The following THSD4 variants were observed in gnomAD, a reference collection of about 807,000 sequenced individuals.
THSD4 encodes the protein thrombospondin type 1 domain containing 4.
In THSD4, 69 loss-of-function variants were observed where a neutral mutation model predicts 119.0. The observed-to-expected ratio is 0.58, with a 90% CI of 0.48 to 0.71. THSD4 has a LOEUF of 0.71. Ranked by LOEUF, THSD4 falls within the 30% of genes least tolerant of loss-of-function variation. The pLI, the probability that THSD4 is intolerant of heterozygous loss-of-function variation, is 0.00. For synonymous variants in THSD4, 524 were observed against 540.4 expected (o/e 0.97, Z 0.42); for missense variants, 1,393 against 1,391.1 (o/e 1.00, Z -0.02).
chr15:71,125,274 A>G (rs997570726), intron 1 of THSD4, among the ~76,000 whole-genome samples: 4 of 151,998 alleles, frequency 2.6e-5, no homozygotes, highest in Non-Finnish European at 5.9e-5. Context: ...GGAGTTTGGA[A>G]CTTGATTCTA....
rs532655281 is a variant in THSD4, at chr15:71,133,001, G to A, written c.-79-8448G>A. On this transcript the variant is annotated intron_variant, in intron 1 of 17. Transcript: ENST00000261862. ...AATATTGGTTTTTGGAATGAGATGG[G>A]TCATCATCTCGGAGAAAGGGCAGCA... is the stretch of plus-strand genomic sequence containing the variant. Among the ~76,000 whole-genome samples the A allele has an allele frequency of 1.9e-3, 285 of 152,336 alleles. 1 individual carries two copies. Among genetic ancestry groups the A allele is most frequent in the Non-Finnish European group, 3.2e-3 (216 of 68,042 alleles).
intron 7 of THSD4, among the ~76,000 whole-genome samples, chr15:71,507,730 C>T (rs951887175): frequency 6.6e-6 from 1 of 152,156 alleles, no homozygotes; most frequent in Non-Finnish European, 1.5e-5. Flanking sequence ...TGGAGAAAAG[C>T]TTGGACTTGG....
intron 3 of THSD4, among the ~76,000 whole-genome samples, chr15:71,174,961 G>A (rs1051619573): frequency 1.7e-4 from 25 of 150,742 alleles, no homozygotes; most frequent in Admixed American, 7.3e-4. Flanking sequence ...AAACAGAAAG[G>A]ACATCCACAC....
rs1011968484 is a variant in THSD4 at position 71,780,860 on chromosome 15, G to A, written c.*3486G>A. 2.2e-6 allele frequency: 1 copy of A among 450,988 alleles called. No individual in the cohort carries two copies. The highest frequency in any genetic ancestry group is 2.0e-5 in the African/African-American group (1 of 49,520). 27.9% of individuals were successfully genotyped at this position (450,988 alleles called of 1,614,324 possible). ...AATGGCCTTACAAAGGGACAGAAAA[G>A]AGAAGACACGAGCTTGGTGTATTTT... On this transcript the variant is annotated 3_prime_UTR_variant, in exon 18 of 18. Coordinates refer to ENST00000261862, the MANE Select transcript of THSD4 (RefSeq NM_024817.3).
intron 8 of THSD4, among the ~76,000 whole-genome samples, chr15:71,703,862 G>GT (rs2052341393): frequency 6.6e-6 from 1 of 152,094 alleles, no homozygotes; most frequent in South Asian, 2.1e-4. Flanking sequence ...GTTTGTTTTT[G>GT]TTTTTGAGAC....
intron 6 of THSD4, among the ~76,000 whole-genome samples, chr15:71,274,005 C>T (rs116375710): frequency 6.9e-4 from 105 of 152,318 alleles, no homozygotes; most frequent in African/African-American, 2.3e-3. Context: ...CAGCAGGTTT[C>T]TCCATCTAAG....
chr15:71,519,672 G>T (rs1446736838), intron 7 of THSD4, among the ~76,000 whole-genome samples: 1 of 152,216 alleles, frequency 6.6e-6, no homozygotes, highest in Non-Finnish European at 1.5e-5. Flanking sequence ...TGAATTAAGT[G>T]TTGAAAGATA....
rs73433453 is a variant in THSD4, at chr15:71,240,265, A to C, written c.465-2384A>C. 9.1e-3 allele frequency among the ~76,000 whole-genome samples: 1,380 copies of C among 152,320 alleles called. 24 individuals carry two copies. Among genetic ancestry groups the C allele is most frequent in the African/African-American group, 0.032 (1,331 of 41,572 alleles). On this transcript the variant is annotated intron_variant, in intron 4 of 17. Coordinates refer to ENST00000261862, the MANE Select transcript of THSD4 (RefSeq NM_024817.3). The stretch of plus-strand genomic sequence containing the variant: ...TCATCAGTGCTGAGTGAGCTCCAGC[A>C]GGGCAGCCTGTCCCGGGCCAGCAGA...
Position 71,763,477 on chromosome 15 carries a change from G to A in THSD4, c.2590-1543G>A, listed in dbSNP as rs1009142850. Reference sequence around the variant, plus strand: ...TGTAATCCCAGAACGATGGGAGGCCGAGGCAGGAGGATTGGTTGAGGCCAG... The same window carrying A: ...TGTAATCCCAGAACGATGGGAGGCCAAGGCAGGAGGATTGGTTGAGGCCAG... On this transcript the variant is annotated intron_variant, in intron 15 of 17. Coordinates refer to ENST00000261862, the MANE Select transcript of THSD4 (RefSeq NM_024817.3). Among the ~76,000 whole-genome samples the A allele has an allele frequency of 3.1e-4, 47 of 152,140 alleles. 1 individual carries two copies. Among genetic ancestry groups the A allele is most frequent in the African/African-American group, 9.2e-4 (38 of 41,404 alleles).
At chr15:71,470,958 T>C (rs1366869855) in intron 7 of THSD4, among the ~76,000 whole-genome samples, 1 of 152,246 alleles carries the variant, frequency 6.6e-6, no homozygotes, top group African/African-American at 2.4e-5. Flanking sequence ...TAAACTCATA[T>C]ATAGTTTGAA....
chr15:71,134,283 C>T lies in THSD4; in HGVS notation c.-79-7166C>T, dbSNP rs557442436. Among the ~76,000 whole-genome samples the T allele has an allele frequency of 2.0e-5, 3 of 152,332 alleles. No homozygotes were observed. The South Asian group carries it at 6.2e-4, about 32-fold the overall frequency. On this transcript the variant is annotated intron_variant, in intron 1 of 17. Coordinates refer to ENST00000261862, the MANE Select transcript of THSD4 (RefSeq NM_024817.3). ...ACCGGGCCTGGGGCTCCAAGGTCAGCGTCCCTGAATACTTCTGGCCTGGGG... is the reference window on the plus strand; with the variant it reads ...ACCGGGCCTGGGGCTCCAAGGTCAGTGTCCCTGAATACTTCTGGCCTGGGG...
At chr15:71,167,133 T>C (rs2043301408) in intron 3 of THSD4, 1 of 152,226 alleles carries the variant, frequency 6.6e-6, no homozygotes, top group African/African-American at 2.4e-5. Flanking sequence ...ATCCTGGTTA[T>C]GTGCTCAAAA....
chr15:71,241,831 G>A (rs1055954940), intron 4 of THSD4, among the ~76,000 whole-genome samples: 1 of 152,164 alleles, frequency 6.6e-6, no homozygotes, highest in African/African-American at 2.4e-5. Context: ...GGCGTCATGT[G>A]GCCCAGGATG....
chr15:71,269,807 T>C (rs1190568014), intron 6 of THSD4, among the ~76,000 whole-genome samples: 2 of 152,016 alleles, frequency 1.3e-5, no homozygotes, highest in Non-Finnish European at 2.9e-5. Context: ...ACACCAATAA[T>C]AGACAAATAG....
At chr15:71,543,932 G>A (rs1312036034) in intron 7 of THSD4, among the ~76,000 whole-genome samples, 1 of 152,204 alleles carries the variant, frequency 6.6e-6, no homozygotes, top group African/African-American at 2.4e-5. Context: ...GGAGGCTGAG[G>A]CAGGAGAATT....
chr15:71,174,305 C>G (rs866766699), intron 3 of THSD4, among the ~76,000 whole-genome samples: 1 of 152,058 alleles, frequency 6.6e-6, no homozygotes, highest in African/African-American at 2.4e-5. Flanking sequence ...CGAAGCAGGG[C>G]GAGGCATTGC....
At chr15:71,211,231 T>C (rs2043886103) in intron 3 of THSD4, among the ~76,000 whole-genome samples, 1 of 152,234 alleles carries the variant, frequency 6.6e-6, no homozygotes, top group African/African-American at 2.4e-5. Context: ...AATTTTCATA[T>C]GTTATTTATT....
At chr15:71,229,080 A>C (rs1193930529) in intron 4 of THSD4, among the ~76,000 whole-genome samples, 1 of 152,256 alleles carries the variant, frequency 6.6e-6, no homozygotes, top group African/African-American at 2.4e-5. Context: ...TTTGGTATTT[A>C]AAAGCTGTAC....
intron 7 of THSD4, among the ~76,000 whole-genome samples, chr15:71,630,306 T>C (rs538966140): frequency 6.6e-6 from 1 of 152,116 alleles, no homozygotes. Context: ...CTCTGCTCTG[T>C]CTCGTCACGG....
Sources: allele counts gnomAD v4.1 joint callset (sites outside exome capture counted in the v4.1 genomes callset), GRCh38; gene constraint gnomAD v4.1.1; transcripts MANE v1.5; gene names NCBI Gene and HGNC (gene_info 2026-07-23, HGNC 2026-07-21).